NACC2: variants seen among roughly 807,000 people sequenced by gnomAD.
The protein encoded by NACC2 is NACC family member 2, also known as nucleus accumbens-associated protein 2.
Under a neutral mutation model 25.1 loss-of-function variants are expected in NACC2, and 8 were observed. The ratio of observed to expected loss-of-function variants is 0.32; its 90% CI spans 0.19 to 0.57. NACC2 has a LOEUF of 0.57. Ranked by LOEUF, NACC2 falls within the 20% of genes least tolerant of loss-of-function variation. The pLI is 0.89. For synonymous variants in NACC2, 435 were observed against 294.7 expected, an observed-to-expected ratio of 1.48 and a Z score of -4.88; for missense variants, 644 against 650.2, an observed-to-expected ratio of 0.99 and a Z score of 0.10.
intron 2 of NACC2, among the ~76,000 whole-genome samples, chr9:136,046,129 C>T (rs967253515): frequency 3.3e-5 from 5 of 152,234 alleles, no homozygotes; most frequent in East Asian, 1.9e-4. Context: ...TCCCTCTGCC[C>T]GGCCCACCTC....
intron 1 of NACC2, among the ~76,000 whole-genome samples, chr9:136,068,538 A>G (rs1841114537): frequency 6.6e-6 from 1 of 150,866 alleles, no homozygotes; most frequent in South Asian, 2.1e-4. Flanking sequence ...CAATGACATT[A>G]TGATGGCTAC....
In NACC2 at chr9:136,086,445, G is replaced by A. The variant is rs183089440; in HGVS notation, c.-60+8744C>T. ...GCCTGGCTCTTGAGGTCCCAGGTCT[G>A]CGAGCGGCTGGGCTTCCCTGAGGTC... On this transcript the variant is annotated intron_variant, in intron 1 of 5. Transcript: ENST00000277554. This position sits in a 1 kb window ranked among gnomAD's most constrained non-coding sequence, Gnocchi z 5.6. 5.9e-5 allele frequency among the ~76,000 whole-genome samples: 9 copies of A among 152,144 alleles called. No individual in the cohort carries two copies. The highest frequency in any genetic ancestry group is 1.2e-4 in the Non-Finnish European group (8 of 68,016).
At chr9:136,021,938 G>A (rs1840301027) in intron 2 of NACC2, among the ~76,000 whole-genome samples, 1 of 152,220 alleles carries the variant, frequency 6.6e-6, no homozygotes, top group Non-Finnish European at 1.5e-5. Flanking sequence ...CCAGGGGCTG[G>A]GGTGCGGACA....
At chr9:136,064,217 C>A (rs1162567581) in intron 1 of NACC2, among the ~76,000 whole-genome samples, 2 of 152,100 alleles carry the variant, frequency 1.3e-5, no homozygotes, top group African/African-American at 4.8e-5. Flanking sequence ...TGAGCCCAGG[C>A]GATCGAGGCT....
At position 136,049,623 on chromosome 9, in the gene NACC2, C is replaced by A. The variant is rs1840785121; in HGVS notation, c.886+13G>T. On this transcript the variant is annotated intron_variant, in intron 2 of 5. Coordinates refer to ENST00000277554, the MANE Select transcript of NACC2 (RefSeq NM_144653.5). ...CCAGCCAGGTGGTGTGGGGCTCCAC[C>A]CCGCCGCGTTACCTGCATAGCTGCC... is the stretch of plus-strand genomic sequence containing the variant. 1 of 770,516 alleles carries A rather than the reference C, an allele frequency of 1.3e-6. No individual in the cohort carries two copies. Among genetic ancestry groups the A allele is most frequent in the African/African-American group, 1.7e-5 (1 of 58,476 alleles). 47.7% of individuals were successfully genotyped at this position (770,516 alleles called of 1,614,324 possible). A position where few individuals can be genotyped will look rare whatever the true frequency, so the allele number is the denominator to read the frequency against.
intron 2 of NACC2, among the ~76,000 whole-genome samples, chr9:136,032,132 G>A (rs1270895025): frequency 6.6e-6 from 1 of 152,230 alleles, no homozygotes; most frequent in Non-Finnish European, 1.5e-5. Flanking sequence ...CTTTAACAGA[G>A]AAGGATCCAT....
At chr9:136,093,935 G>A (rs1004642838) in intron 1 of NACC2, among the ~76,000 whole-genome samples, 1 of 152,252 alleles carries the variant, frequency 6.6e-6, no homozygotes, top group Non-Finnish European at 1.5e-5. Flanking sequence ...TGGAGAACAG[G>A]AGGGAAGGAG....
intron 1 of NACC2, among the ~76,000 whole-genome samples, chr9:136,088,983 G>A (rs1830407665): frequency 6.6e-6 from 1 of 152,230 alleles, no homozygotes; most frequent in Non-Finnish European, 1.5e-5. Context: ...TGGAGCGGCT[G>A]AGGCGGCTGT....
At position 136,019,853 on chromosome 9, in the gene NACC2, C is replaced by T. The variant is rs1044191263; in HGVS notation, c.887-3424G>A. Among the ~76,000 whole-genome samples, 12 of 152,070 alleles carry T rather than the reference C, an allele frequency of 7.9e-5. No individual in the cohort carries two copies. Among genetic ancestry groups the T allele is most frequent in the South Asian group, 2.1e-4 (1 of 4,824 alleles). On this transcript the variant is annotated intron_variant, in intron 2 of 5. Transcript: ENST00000277554. The surrounding 1 kb of genome is among the most constrained non-coding windows in gnomAD (Gnocchi z 5.2). ...AGCCGGGCGACACCAGGGGAGCTTG[C>T]GAGAGGGCGGCTGAGCCTGGAGGAC...
Position 136,023,954 on chromosome 9 carries a change from A to AC in NACC2, c.887-7526dup, listed in dbSNP as rs200945106. Reference sequence around the variant, plus strand: ...ATGCCCCCAACCACACAAATGCACAACCCCCCCCACACACACGTGCACATG... The same window carrying AC: ...ATGCCCCCAACCACACAAATGCACAACCCCCCCCCACACACACGTGCACATG... On this transcript the variant is annotated intron_variant, in intron 2 of 5. Transcript: ENST00000277554. Among the ~76,000 whole-genome samples the AC allele has an allele frequency of 1.5e-3, 222 of 150,720 alleles. 1 individual carries two copies. The highest frequency in any genetic ancestry group is 4.2e-3 in the African/African-American group (171 of 40,978).
At chr9:136,051,310 C>A (rs1325110174) in intron 1 of NACC2, among the ~76,000 whole-genome samples, 1 of 152,198 alleles carries the variant, frequency 6.6e-6, no homozygotes, top group Non-Finnish European at 1.5e-5. Flanking sequence ...CCCAAGCCGC[C>A]GCCAGGGCAG....
At chr9:136,035,863 C>A (rs1489525217) in intron 2 of NACC2, among the ~76,000 whole-genome samples, 1 of 152,180 alleles carries the variant, frequency 6.6e-6, no homozygotes, top group East Asian at 1.9e-4. Flanking sequence ...TACAGAAGTT[C>A]TCCGTACTTA....
At chr9:136,067,904 T>A (rs574495330) in intron 1 of NACC2, among the ~76,000 whole-genome samples, 1 of 152,382 alleles carries the variant, frequency 6.6e-6, no homozygotes, top group African/African-American at 2.4e-5. Context: ...CATAGCCTAG[T>A]GCTCCTGGGC....
intron 1 of NACC2, among the ~76,000 whole-genome samples, chr9:136,051,198 G>C (rs1027751209): frequency 5.9e-5 from 9 of 152,200 alleles, no homozygotes; most frequent in Admixed American, 6.5e-5. Flanking sequence ...GTGCCGGGAA[G>C]TCCGCTGAAG....
At chr9:136,081,747 C>G (rs755813704) in intron 1 of NACC2, among the ~76,000 whole-genome samples, 1 of 152,102 alleles carries the variant, frequency 6.6e-6, no homozygotes, top group Non-Finnish European at 1.5e-5. Flanking sequence ...CCATCCCCAC[C>G]AAGTGGCGGC....
rs978202982 is a variant in NACC2 at position 136,053,724 on chromosome 9, G to A, written c.-59-3144C>T. On this transcript the variant is annotated intron_variant, in intron 1 of 5. Coordinates refer to ENST00000277554, the MANE Select transcript of NACC2 (RefSeq NM_144653.5). ...ACCAGGAGCCTCCCAGAGAGCCCGT[G>A]GCTTCTGTTGTGGGCAACTTCGCCC... Among the ~76,000 whole-genome samples the A allele has an allele frequency of 8.5e-3, 1,292 of 152,336 alleles. 15 individuals carry two copies. Among genetic ancestry groups the A allele is most frequent in the Non-Finnish European group, 0.015 (997 of 68,028 alleles).
chr9:136,048,588 GA>G (rs1167444321), intron 2 of NACC2, among the ~76,000 whole-genome samples: 1 of 152,252 alleles, frequency 6.6e-6, no homozygotes. Context: ...GAGTTCTCAG[GA>G]AGACACCACG....
intron 2 of NACC2, among the ~76,000 whole-genome samples, chr9:136,034,157 C>T (rs1294766191): frequency 5.3e-5 from 8 of 152,134 alleles, no homozygotes; most frequent in Admixed American, 2.6e-4. Context: ...TTACAGACTC[C>T]TGATACACAG....
In NACC2 at chr9:136,052,156, C is replaced by T. The variant is rs1269447608; in HGVS notation, c.-59-1576G>A. On this transcript the variant is annotated intron_variant, in intron 1 of 5. Coordinates refer to ENST00000277554, the MANE Select transcript of NACC2 (RefSeq NM_144653.5). Reference sequence around the variant, plus strand: ...GGAGTGTTGGTGCCAGAGGAATGCGCGGCCCCGGGTGCTGGTACGAGACAG... The same window carrying T: ...GGAGTGTTGGTGCCAGAGGAATGCGTGGCCCCGGGTGCTGGTACGAGACAG... Among the ~76,000 whole-genome samples, 4 of 152,326 alleles carry T rather than the reference C, an allele frequency of 2.6e-5. No individual in the cohort carries two copies. The East Asian group carries it at 5.8e-4, about 22-fold the overall frequency.
Sources: allele counts gnomAD v4.1 joint callset (sites outside exome capture counted in the v4.1 genomes callset), GRCh38; gene constraint gnomAD v4.1.1; non-coding constraint Gnocchi (gnomAD v3.1); transcripts MANE v1.5; gene names NCBI Gene and HGNC (gene_info 2026-07-23, HGNC 2026-07-21).